The following CRACD variants were observed in gnomAD, a reference collection of about 807,000 sequenced individuals.
The protein encoded by CRACD is capping protein-inhibiting regulator of actin dynamics.
A neutral mutation model predicts 106.8 loss-of-function variants in CRACD; 56 were observed. That is an observed-to-expected ratio of 0.52 (90% CI 0.42 to 0.66). The LOEUF (loss-of-function observed/expected upper bound fraction) is 0.66, where lower values mean the gene tolerates loss of function less well. Ranked by LOEUF, CRACD falls within the 30% of genes least tolerant of loss-of-function variation. The probability of loss-of-function intolerance (pLI) is 0.00; values close to 1 mark genes in which losing one functional copy is unlikely to be tolerated. For synonymous variants in CRACD, 754 were observed against 670.8 expected (o/e 1.12, Z -1.92); for missense variants, 1,730 against 1,623.2 (o/e 1.07, Z -1.13).
chr4:56,197,494 CTCTT>C (rs533399787), intron 2 of CRACD, among the ~76,000 whole-genome samples: 165 of 152,240 alleles, frequency 1.1e-3, no homozygotes, highest in African/African-American at 3.7e-3. Context: ...CACCAAACTT[CTCTT>C]TCTTCCCTCC....
rs1195360415 is a variant in CRACD, at chr4:56,310,658, T to G, written c.286-8T>G. 1.2e-6 allele frequency: 2 copies of G among 1,601,650 alleles called. No individual in the cohort carries two copies. Among genetic ancestry groups the G allele is most frequent in the African/African-American group, 1.3e-5 (1 of 74,646 alleles). ...GCCTTTGACTTGAATGCTCTCTTAC[T>G]GTTCCAGTCCAGTGATACGCCAAGT... On this transcript the variant is annotated splice_polypyrimidine_tract_variant and splice_region_variant and intron_variant, in intron 5 of 10. Transcript: ENST00000682029.
At chr4:56,193,634 TAA>T (rs1051029257) in intron 2 of CRACD, among the ~76,000 whole-genome samples, 10 of 152,218 alleles carry the variant, frequency 6.6e-5, no homozygotes, top group African/African-American at 2.4e-4. Context: ...ATGTTGATAT[TAA>T]GTTATGAGAA....
chr4:56,284,133 C>T (rs1001125950), intron 3 of CRACD, among the ~76,000 whole-genome samples: 1 of 151,916 alleles, frequency 6.6e-6, no homozygotes, highest in African/African-American at 2.4e-5. Context: ...CCAACTCACC[C>T]TACAGTAGTA....
intron 1 of CRACD, among the ~76,000 whole-genome samples, chr4:56,137,333 G>A (rs1008406522): frequency 3.3e-5 from 5 of 152,140 alleles, no homozygotes; most frequent in South Asian, 2.1e-4. Context: ...GACCACCATC[G>A]TATATGCAGT....
chr4:56,308,902 T>C (rs1255740909), intron 5 of CRACD: 69 of 1,288,854 alleles, frequency 5.4e-5, no homozygotes, highest in Non-Finnish European at 6.9e-5. Context: ...CACTGTGGCC[T>C]GGGGGATTGT....
chr4:56,122,223 A>G (rs1011079689), intron 1 of CRACD, among the ~76,000 whole-genome samples: 1 of 152,028 alleles, frequency 6.6e-6, no homozygotes, highest in Non-Finnish European at 1.5e-5. Flanking sequence ...AGAGGAGATT[A>G]GCGATACTAA....
intron 3 of CRACD, among the ~76,000 whole-genome samples, chr4:56,286,783 C>T (rs1336055296): frequency 3.3e-5 from 5 of 152,062 alleles, no homozygotes; most frequent in Non-Finnish European, 7.4e-5. Context: ...CTGCCGTGGT[C>T]AGGGTGATGA....
intron 2 of CRACD, among the ~76,000 whole-genome samples, chr4:56,239,909 A>G (rs1740264604): frequency 6.6e-6 from 1 of 152,180 alleles, no homozygotes; most frequent in African/African-American, 2.4e-5. Flanking sequence ...ACAGATGAAC[A>G]TCTGTTCTGC....
chr4:56,160,373 A>C (rs939036291), intron 1 of CRACD, among the ~76,000 whole-genome samples: 8 of 151,538 alleles, frequency 5.3e-5, no homozygotes, highest in African/African-American at 1.2e-4. Context: ...TTGTAGAGAC[A>C]GGGTCTTGCC....
chr4:56,189,962 C>G (rs1362892279), intron 2 of CRACD, among the ~76,000 whole-genome samples: 1 of 104,466 alleles, frequency 9.6e-6, no homozygotes, highest in African/African-American at 3.6e-5. Context: ...AATGCTAACC[C>G]TCCCCCCTCC....
At chr4:56,175,373 G>A (rs1736540190) in intron 1 of CRACD, among the ~76,000 whole-genome samples, 1 of 152,274 alleles carries the variant, frequency 6.6e-6, no homozygotes, top group African/African-American at 2.4e-5. Flanking sequence ...ATTTTAACTG[G>A]TGTGAGATAA....
intron 1 of CRACD, among the ~76,000 whole-genome samples, chr4:56,126,478 A>G (rs1482713356): frequency 6.6e-6 from 1 of 152,136 alleles, no homozygotes; most frequent in Non-Finnish European, 1.5e-5. Flanking sequence ...TAGTTTCTCC[A>G]TTCTCTAAGG....
At chr4:56,257,588 C>T (rs984844449) in intron 2 of CRACD, among the ~76,000 whole-genome samples, 1 of 151,336 alleles carries the variant, frequency 6.6e-6, no homozygotes, top group Non-Finnish European at 1.5e-5. Flanking sequence ...CCAGCTACTC[C>T]AGAGGCTGAG....
intron 2 of CRACD, among the ~76,000 whole-genome samples, chr4:56,249,336 C>T (rs1299353994): frequency 1.4e-5 from 2 of 147,426 alleles, no homozygotes; most frequent in Non-Finnish European, 3.0e-5. Context: ...TGATGATGAG[C>T]ATTTTTTCAT....
In CRACD at chr4:56,257,079, CTTT is replaced by C. The variant is rs566765737; in HGVS notation, c.-188-15224_-188-15222del. On this transcript the variant is annotated intron_variant, in intron 2 of 10. Transcript: ENST00000682029. The stretch of plus-strand genomic sequence containing the variant: ...TTACCCTGCAGTATATTTTGATGTT[CTTT>C]TTTTTTTTTTTTTTTTTGAGATGAA... 7.1e-3 allele frequency among the ~76,000 whole-genome samples: 809 copies of C among 114,458 alleles called. 10 individuals are homozygous for C. Among genetic ancestry groups the C allele is most frequent in the African/African-American group, 0.025 (753 of 30,528 alleles). 75.1% of individuals were successfully genotyped at this position (114,458 alleles called of 152,430 possible). A position where few individuals can be genotyped will look rare whatever the true frequency, so the allele number is the denominator to read the frequency against.
rs370582344 is a variant in CRACD, at chr4:56,315,309, C to T, written c.1807C>T (p.Leu603Phe). Residue 603 changes from leucine (L) to phenylalanine (F), a missense_variant, in exon 8 of 11, where the codon CTC (leucine) becomes TTC (phenylalanine). By Grantham distance (22) the Leu-to-Phe change is conservative. Around this residue, in one of 5 missense-constraint regions of CRACD, gnomAD observed 1,620 missense variants for 1,481.6 expected, o/e 1.09. Transcript: ENST00000682029. This position sits in a 1 kb window ranked among gnomAD's most constrained non-coding sequence, Gnocchi z 4.1. ...CGCCATTCTGGTCACGGGCGCGCAG[C>T]TCTGTGGCCCGGCAGTCAACCTGAG... Reference protein sequence around the residue: ...HTAILVTGAQLCGPAVNLSQI... With the variant: ...HTAILVTGAQFCGPAVNLSQI... 2.6e-5 allele frequency: 42 copies of T among 1,613,780 alleles called. 1 individual carries two copies. In the African/African-American group the frequency reaches 5.2e-4, roughly 20 times the overall value.
intron 5 of CRACD, chr4:56,308,979 C>A (rs1177581768): frequency 9.2e-7 from 1 of 1,091,660 alleles, no homozygotes; most frequent in African/African-American, 1.6e-5. Flanking sequence ...AAGGGGCCCC[C>A]CATCTCTGTA....
intron 1 of CRACD, among the ~76,000 whole-genome samples, chr4:56,111,299 A>G (rs1734114252): frequency 1.3e-5 from 2 of 152,160 alleles, no homozygotes; most frequent in African/African-American, 2.4e-5. Context: ...ATTCGAAGAT[A>G]TGGAAGTCAG....
chr4:56,118,255 A>G (rs1030021894), intron 1 of CRACD, among the ~76,000 whole-genome samples: 1 of 77,698 alleles, frequency 1.3e-5, no homozygotes, highest in African/African-American at 8.8e-5. Context: ...CTCATTTTGT[A>G]TATCCAAAGG....
Sources: allele counts gnomAD v4.1 joint callset (sites outside exome capture counted in the v4.1 genomes callset), GRCh38; gene constraint gnomAD v4.1.1; regional missense constraint gnomAD v4.1.1; non-coding constraint Gnocchi (gnomAD v3.1); transcripts MANE v1.5; gene names NCBI Gene and HGNC (gene_info 2026-07-23, HGNC 2026-07-21).